Variants in CDH23 observed in about 807,000 individuals in gnomAD.
CDH23 encodes cadherin related 23.
CDH23 carries 189 observed loss-of-function variants against 317.1 expected under a neutral mutation model. The observed-to-expected ratio is 0.60, with a 90% confidence interval of 0.53 to 0.67. The LOEUF is 0.67. Among genes scored for constraint, CDH23 ranks in the 30% least tolerant of loss-of-function variants. CDH23 has a pLI of 0.00. For synonymous variants in CDH23, 1,839 were observed against 1,876.8 expected (o/e 0.98, Z 0.52); for missense variants, 4,401 against 4,592.4 (o/e 0.96, Z 1.20).
At chr10:71,739,011 C>T (rs1839660242) in intron 35 of CDH23, among the ~76,000 whole-genome samples, 1 of 152,258 alleles carries the variant, frequency 6.6e-6, no homozygotes, top group African/African-American at 2.4e-5. Context: ...CTTGCTGTCG[C>T]TCCAGGTTTG....
chr10:71,788,965 T>C lies in CDH23; in HGVS notation c.5846T>C (p.Leu1949Pro). The C allele has an allele frequency of 6.3e-7, 1 of 1,597,608 alleles. No individual in the cohort carries two copies. The change falls in exon 45 of 70, where the codon CTT becomes CCT. Residue 1949 changes from leucine to proline, a missense_variant. Physicochemically the swap from Leu to Pro is moderately conservative, Grantham distance 98. Transcript: ENST00000224721. ...GATTATGACTTGCTTCTGATCTTCC[T>C]TTCTGATGAGAATGACAACCACCCC... ...RRDYDLLLIFLSDENDNHPLF... is the reference protein window; with the variant it reads ...RRDYDLLLIFPSDENDNHPLF...
intron 6 of CDH23, among the ~76,000 whole-genome samples, chr10:71,549,348 A>T (rs1856457978): frequency 6.6e-6 from 1 of 152,224 alleles, no homozygotes; most frequent in Non-Finnish European, 1.5e-5. Context: ...CGATTAGCCC[A>T]TATAGGAGGG....
chr10:71,629,787 G>A (rs1200700273), intron 11 of CDH23, among the ~76,000 whole-genome samples: 5 of 152,134 alleles, frequency 3.3e-5, no homozygotes, highest in African/African-American at 1.2e-4. Context: ...CCACAGACAC[G>A]GGAAGCAGAT....
In CDH23 at chr10:71,690,514, G is replaced by A. The variant is rs773065875; in HGVS notation, c.2106G>A (p.Arg702=). The part of the protein sequence containing the change: ...FLNATDLDRS[R]EYGQESIIYS... ...ATGCCACAGACCTGGACCGCTCCCG[G>A]GAGTACGGCCAGGAGTCCATCATCT... is the stretch of plus-strand genomic sequence containing the variant. The change falls in exon 20 of 70, where the codon CGG becomes CGA. Residue 702 remains arginine (R), a synonymous_variant. Coordinates refer to ENST00000224721, the MANE Select transcript of CDH23 (RefSeq NM_022124.6). The A allele has an allele frequency of 6.2e-6, 10 of 1,611,694 alleles. No homozygotes were observed. In the East Asian group the frequency reaches 1.3e-4, roughly 22 times the overall value.
rs1223336296 is a variant in CDH23 at position 71,403,395 on chromosome 10, C to CT, written c.-6+6080dup. On this transcript the variant is annotated intron_variant, in intron 1 of 69. Transcript: ENST00000224721. ...TCTTTCTTTCTTTCTTTCTTTCTTT[C>CT]TTTCTTTCTTTCTCTTCCTTCCTTC... is the stretch of plus-strand genomic sequence containing the variant. 4.7e-4 allele frequency among the ~76,000 whole-genome samples: 46 copies of CT among 97,692 alleles called. 4 individuals are homozygous for CT. The highest frequency in any genetic ancestry group is 2.1e-3 in the African/African-American group (42 of 20,432). 64.1% of individuals were successfully genotyped at this position (97,692 alleles called of 152,430 possible). A position where few individuals can be genotyped will look rare whatever the true frequency, so the allele number is the denominator to read the frequency against.
At chr10:71,782,096 T>C (rs1044345086) in intron 41 of CDH23, among the ~76,000 whole-genome samples, 2 of 152,222 alleles carry the variant, frequency 1.3e-5, no homozygotes, top group African/African-American at 4.8e-5. Flanking sequence ...GGCTGCTTTC[T>C]ATAGGGAGAC....
rs562150825 is a variant in CDH23 at position 71,447,077 on chromosome 10, G to A, written c.145+682G>A. Among the ~76,000 whole-genome samples, 5 of 152,292 alleles carry A rather than the reference G, an allele frequency of 3.3e-5. No individual in the cohort carries two copies. The South Asian group carries it at 1.0e-3, about 32-fold the overall frequency. ...TCCACCGACAGCCCTCCTGTGTCATGTCATTCTCGCTGGTGTCACTTTAGG... is the reference window on the plus strand; with the variant it reads ...TCCACCGACAGCCCTCCTGTGTCATATCATTCTCGCTGGTGTCACTTTAGG... On this transcript the variant is annotated intron_variant, in intron 3 of 69. Transcript: ENST00000224721.
At chr10:71,767,562 AGGCTGG>A (rs1189816369) in intron 38 of CDH23, among the ~76,000 whole-genome samples, 5 of 152,192 alleles carry the variant, frequency 3.3e-5, no homozygotes, top group South Asian at 2.1e-4. Context: ...GATGGTCCAC[AGGCTGG>A]GGCTGGGGCT....
intron 11 of CDH23, among the ~76,000 whole-genome samples, chr10:71,635,884 G>A (rs945605864): frequency 1.3e-5 from 2 of 152,110 alleles, no homozygotes; most frequent in Non-Finnish European, 2.9e-5. Flanking sequence ...TAGATGTGGT[G>A]TCTGGTGAGG....
chr10:71,550,559 CAAAAAAA>C (rs1222399834), intron 6 of CDH23, among the ~76,000 whole-genome samples: 17 of 45,756 alleles, frequency 3.7e-4, no homozygotes, highest in Admixed American at 1.1e-3. Context: ...GACCCTGTCT[CAAAAAAA>C]AAAAAAAAAA....
At chr10:71,437,098 C>T (rs12257347) in intron 1 of CDH23, among the ~76,000 whole-genome samples, 47 of 152,186 alleles carry the variant, frequency 3.1e-4, no homozygotes, top group African/African-American at 1.0e-3. Flanking sequence ...TTCATGTGTT[C>T]GATTGGCAGC....
At chr10:71,709,566 G>A (rs998859875) in intron 27 of CDH23, among the ~76,000 whole-genome samples, 4 of 152,172 alleles carry the variant, frequency 2.6e-5, no homozygotes, top group African/African-American at 7.2e-5. Context: ...TTCACGAATC[G>A]GCATCTGGGA....
intron 38 of CDH23, among the ~76,000 whole-genome samples, chr10:71,760,004 TATATATACACACACAC>T (rs1840288073): frequency 1.9e-5 from 1 of 53,028 alleles, no homozygotes; most frequent in Admixed American, 2.0e-4. Flanking sequence ...CACACATACA[TATATATACACACACAC>T]ATATATACAC....
intron 60 of CDH23, among the ~76,000 whole-genome samples, chr10:71,808,401 T>C (rs1210147509): frequency 3.3e-5 from 5 of 152,100 alleles, no homozygotes; most frequent in African/African-American, 1.2e-4. Flanking sequence ...CCTGCTTTCA[T>C]TCATCTGTCC....
intron 19 of CDH23, among the ~76,000 whole-genome samples, chr10:71,688,307 G>A (rs866246545): frequency 8.5e-5 from 13 of 152,234 alleles, no homozygotes; most frequent in Non-Finnish European, 1.9e-4. Context: ...CAAAGAAAAC[G>A]CCCATATCAG....
At chr10:71,552,519 G>C (rs943091754) in intron 6 of CDH23, among the ~76,000 whole-genome samples, 2 of 152,122 alleles carry the variant, frequency 1.3e-5, no homozygotes, top group Non-Finnish European at 2.9e-5. Context: ...GGAGAGTGAG[G>C]CTCAGAAAAA....
At chr10:71,530,915 G>A (rs1039314398) in intron 6 of CDH23, among the ~76,000 whole-genome samples, 1 of 152,222 alleles carries the variant, frequency 6.6e-6, no homozygotes, top group African/African-American at 2.4e-5. Context: ...TGACTGCCCT[G>A]GGTTACACAG....
rs1427254731 is a variant in CDH23 at position 71,778,017 on chromosome 10, G to A, written c.5067+116G>A. 1.1e-5 allele frequency: 15 copies of A among 1,427,680 alleles called. No homozygotes were observed. The South Asian group carries it at 1.4e-4, about 13-fold the overall frequency. The allele number at this position is 1,427,680 out of a possible 1,614,324, so 88.4% of individuals were successfully genotyped here. A position where few individuals can be genotyped will look rare whatever the true frequency, so the allele number is the denominator to read the frequency against. ...AGATGCAGTCTAGGGGAAACTGTGG[G>A]GGCACTCAGTGTGGGAGGATGAAAA... is the stretch of plus-strand genomic sequence containing the variant. On this transcript the variant is annotated intron_variant, in intron 39 of 69. Transcript: ENST00000224721.
chr10:71,751,987 T>A lies in CDH23; in HGVS notation c.4845+10066T>A. On this transcript the variant is annotated intron_variant, in intron 38 of 69. Coordinates refer to ENST00000224721, the MANE Select transcript of CDH23 (RefSeq NM_022124.6). This position sits in a 1 kb window ranked among gnomAD's most constrained non-coding sequence, Gnocchi z 4.9. ...TCCCCATCCCCAAGCCTCAGCAGCA[T>A]CTCCAAGCAAGAAGGCAGGAGCCAG... The A allele has an allele frequency of 9.3e-7, 1 of 1,078,714 alleles. No individual in the cohort carries two copies. Among genetic ancestry groups the A allele is most frequent in the South Asian group, 1.4e-5 (1 of 71,972 alleles). The allele number at this position is 1,078,714 out of a possible 1,614,324, so 66.8% of individuals were successfully genotyped here. A position where few individuals can be genotyped will look rare whatever the true frequency, so the allele number is the denominator to read the frequency against.
Sources: allele counts gnomAD v4.1 joint callset (sites outside exome capture counted in the v4.1 genomes callset), GRCh38; gene constraint gnomAD v4.1.1; non-coding constraint Gnocchi (gnomAD v3.1); transcripts MANE v1.5; gene names NCBI Gene and HGNC (gene_info 2026-07-23, HGNC 2026-07-21).